The following PDK1 variants were observed in gnomAD, a reference collection of about 807,000 sequenced individuals.
PDK1 encodes [Pyruvate dehydrogenase (acetyl-transferring)] kinase isozyme 1, mitochondrial.
Under a neutral mutation model 54.2 loss-of-function variants are expected in PDK1, and 39 were observed. The observed-to-expected ratio is 0.72, with a 90% CI of 0.56 to 0.94. The LOEUF (loss-of-function observed/expected upper bound fraction) is 0.94. Among genes scored for constraint, PDK1 ranks in the 40% least tolerant of loss-of-function variants. The pLI, the probability that PDK1 is intolerant of heterozygous loss-of-function variation, is 0.00. For missense variants in PDK1, 552 were observed against 566.0 expected, an observed-to-expected ratio of 0.98 and a Z score of 0.25; for synonymous variants, 221 against 207.1, an observed-to-expected ratio of 1.07 and a Z score of -0.58.
At position 172,570,844 on chromosome 2, in the gene PDK1, TG is replaced by T. The variant is rs750061100; in HGVS notation, c.945+21del. 6.2e-6 allele frequency: 9 copies of T among 1,451,498 alleles called. No individual in the cohort carries two copies. The highest frequency in any genetic ancestry group is 4.5e-5 in the East Asian group (2 of 44,016). 89.9% of individuals were successfully genotyped at this position (1,451,498 alleles called of 1,614,324 possible). A position where few individuals can be genotyped will look rare whatever the true frequency, so the allele number is the denominator to read the frequency against. ...GTGAAGGTAAATGTGTTTAATGGTT[TG>T]TTTTCTTTTTTTTTTTTTTGTAATT... On this transcript the variant is annotated intron_variant, in intron 8 of 10. Coordinates refer to ENST00000282077, the MANE Select transcript of PDK1 (RefSeq NM_002610.5).
Position 172,571,823 on chromosome 2 carries a change from C to CGTTTTTTTTTTTTTTTTTTTTTTT in PDK1, c.945+999_945+1000insGTTTTTTTTTTTTTTTTTTTTTTT, listed in dbSNP as rs765005051. Among the ~76,000 whole-genome samples, 11 of 99,784 alleles carry CGTTTTTTTTTTTTTTTTTTTTTTT rather than the reference C, an allele frequency of 1.1e-4. 1 individual carries two copies. Among genetic ancestry groups the CGTTTTTTTTTTTTTTTTTTTTTTT allele is most frequent in the African/African-American group, 2.3e-4 (6 of 25,584 alleles). 65.5% of individuals were successfully genotyped at this position (99,784 alleles called of 152,430 possible). A position where few individuals can be genotyped will look rare whatever the true frequency, so the allele number is the denominator to read the frequency against. On this transcript the variant is annotated intron_variant, in intron 8 of 10. Transcript: ENST00000282077. ...CTCAGAGATTCTTAGTCTTTCTTTA[C>CGTTTTTTTTTTTTTTTTTTTTTTT]TTTTTTTTTTTTTTTTTTTTTTTTT...
chr2:172,566,821 T>C (rs928778578), intron 5 of PDK1, 35 bp from the exon 6 acceptor site: 1 of 1,401,342 alleles, frequency 7.1e-7, no homozygotes, highest in African/African-American at 1.4e-5. Flanking sequence ...GTATATTTAT[T>C]AAATCCTTTT....
Position 172,600,761 on chromosome 2 carries a change from G to C in PDK1, c.*4792G>C, listed in dbSNP as rs1691087212. 6.6e-6 allele frequency: 1 copy of C among 152,258 alleles called. No individual in the cohort carries two copies. Among genetic ancestry groups the C allele is most frequent in the Non-Finnish European group, 1.5e-5 (1 of 68,094 alleles). The allele number at this position is 152,258 out of a possible 1,614,324, so 9.4% of individuals were successfully genotyped here. Reference sequence around the variant, plus strand: ...GGACGCTTTAGTTGGGACCAGGTGTGCTATCTGTACAGAGCATAGCTTTTT... The same window carrying C: ...GGACGCTTTAGTTGGGACCAGGTGTCCTATCTGTACAGAGCATAGCTTTTT... On this transcript the variant is annotated 3_prime_UTR_variant, in exon 11 of 11. Transcript: ENST00000282077.
the PDK1 span, among the ~76,000 whole-genome samples, chr2:172,614,108 C>G: frequency 3.9e-5 from 6 of 152,056 alleles, no homozygotes; most frequent in African/African-American, 1.2e-4. Flanking sequence ...GCAGCCGTGA[C>G]CGCCCTCCCA....
chr2:172,692,450 C>T, the PDK1 span, among the ~76,000 whole-genome samples: 6 of 152,324 alleles, frequency 3.9e-5, no homozygotes, highest in African/African-American at 1.4e-4. Flanking sequence ...GCAAGAATCA[C>T]ACTCCTTAAG....
At chr2:172,619,845 T>G in the PDK1 span, among the ~76,000 whole-genome samples, 13 of 152,318 alleles carry the variant, frequency 8.5e-5, no homozygotes, top group South Asian at 2.7e-3. Context: ...GCAATCTTAA[T>G]GTTTTACATG....
At chr2:172,688,329 G>A in the PDK1 span, among the ~76,000 whole-genome samples, 5 of 149,682 alleles carry the variant, frequency 3.3e-5, no homozygotes, top group East Asian at 7.7e-4. Context: ...TGTAGTAAGA[G>A]CCCTGGTCAG....
At chr2:172,696,217 T>C in the PDK1 span, among the ~76,000 whole-genome samples, 1 of 151,366 alleles carries the variant, frequency 6.6e-6, no homozygotes, top group Admixed American at 6.6e-5. Flanking sequence ...AGAGCATTCT[T>C]CCCCAGTTGA....
At chr2:172,692,292 C>A in the PDK1 span, among the ~76,000 whole-genome samples, 28,828 of 152,080 alleles carry the variant, frequency 0.19, 3,323 homozygotes, top group African/African-American at 0.32. Context: ...AATATACCAT[C>A]AAACTAAAAA....
the PDK1 span, among the ~76,000 whole-genome samples, chr2:172,696,183 A>AG: frequency 6.6e-6 from 1 of 151,318 alleles, no homozygotes; most frequent in Admixed American, 6.6e-5. Flanking sequence ...AAAAAAAAAA[A>AG]AAAAAGAAAA....
the PDK1 span, among the ~76,000 whole-genome samples, chr2:172,678,302 A>G: frequency 6.6e-6 from 1 of 151,824 alleles, no homozygotes; most frequent in African/African-American, 2.4e-5. Flanking sequence ...CAACAGGTAC[A>G]AATTGGAATT....
the PDK1 span, among the ~76,000 whole-genome samples, chr2:172,657,644 A>G: frequency 6.6e-6 from 1 of 152,060 alleles, no homozygotes; most frequent in Non-Finnish European, 1.5e-5. Flanking sequence ...GAACAATAGC[A>G]GGTGCAAGAA....
chr2:172,558,551 C>G (rs1688478875), intron 1 of PDK1, among the ~76,000 whole-genome samples, 157 bp from the exon 2 acceptor site: 1 of 152,224 alleles, frequency 6.6e-6, no homozygotes. Flanking sequence ...TCGCCTCCCA[C>G]AGGCAGGTGT....
In PDK1 at chr2:172,602,730, A is replaced by G. The variant is rs1691155739; in HGVS notation, c.*6761A>G. Reference sequence around the variant, plus strand: ...CTTATGTTTCTGTGTTTGGGTAAACATTAGACTTATAAAAGGGCCTAGGGT... The same window carrying G: ...CTTATGTTTCTGTGTTTGGGTAAACGTTAGACTTATAAAAGGGCCTAGGGT... On this transcript the variant is annotated 3_prime_UTR_variant, in exon 11 of 11. Transcript: ENST00000282077. 1 of 152,218 alleles carries G rather than the reference A, an allele frequency of 6.6e-6. No homozygotes were observed. Among genetic ancestry groups the G allele is most frequent in the South Asian group, 2.1e-4 (1 of 4,828 alleles). The allele number at this position is 152,218 out of a possible 1,614,324, so 9.4% of individuals were successfully genotyped here.
chr2:172,625,580 T>A, the PDK1 span, among the ~76,000 whole-genome samples: 1 of 152,222 alleles, frequency 6.6e-6, no homozygotes, highest in Non-Finnish European at 1.5e-5. Context: ...TGTCTCATCT[T>A]TTGGGGGCTC....
chr2:172,610,777 AT>A (rs1233803869), downstream of PDK1, among the ~76,000 whole-genome samples: 3 of 151,910 alleles, frequency 2.0e-5, no homozygotes, highest in Non-Finnish European at 4.4e-5. Context: ...TGCCCGGCTA[AT>A]TTTTGTATTT....
intron 1 of PDK1, among the ~76,000 whole-genome samples, chr2:172,557,116 C>G (rs905286914): frequency 6.6e-6 from 1 of 152,180 alleles, no homozygotes; most frequent in Non-Finnish European, 1.5e-5. Context: ...CTGCATTGAA[C>G]GATACCTGCA....
the PDK1 span, among the ~76,000 whole-genome samples, chr2:172,678,025 C>T: frequency 2.0e-5 from 3 of 151,990 alleles, no homozygotes; most frequent in Non-Finnish European, 4.4e-5. Flanking sequence ...AAAAATTAGC[C>T]GGGCATGGTG....
the PDK1 span, among the ~76,000 whole-genome samples, chr2:172,627,547 C>T: frequency 4.6e-5 from 7 of 152,162 alleles, no homozygotes; most frequent in African/African-American, 1.7e-4. Flanking sequence ...AATTCACATA[C>T]TAGACCATAT....
Sources: allele counts gnomAD v4.1 joint callset (sites outside exome capture counted in the v4.1 genomes callset), GRCh38; gene constraint gnomAD v4.1.1; transcripts MANE v1.5; gene names NCBI Gene and HGNC (gene_info 2026-07-23, HGNC 2026-07-21).